The following FAM83F variants were observed in gnomAD, a reference collection of about 807,000 sequenced individuals.
The protein encoded by FAM83F is protein FAM83F.
Under a neutral mutation model 42.9 loss-of-function variants are expected in FAM83F, and 45 were observed. The ratio of observed to expected loss-of-function variants is 1.05; its 90% CI spans 0.83 to 1.35. The LOEUF (loss-of-function observed/expected upper bound fraction) is 1.35, where lower values mean the gene tolerates loss of function less well. Among genes scored for constraint, FAM83F ranks in the 40% most tolerant of loss-of-function variants. FAM83F has a pLI of 0.00. For missense variants in FAM83F, 617 were observed against 695.9 expected, an observed-to-expected ratio of 0.89 and a Z score of 1.28; for synonymous variants, 306 against 298.3, an observed-to-expected ratio of 1.03 and a Z score of -0.27.
rs1379858050 is a variant in FAM83F, at chr22:40,033,715, C to G, written c.*4150C>G. The stretch of plus-strand genomic sequence containing the variant: ...CTGGCTCTTTTCTTCACAGTCCTGA[C>G]CTGGTGGCCTGCACAGGCCACTTCT... On this transcript the variant is annotated 3_prime_UTR_variant, in exon 5 of 5. Coordinates refer to ENST00000333407, the MANE Select transcript of FAM83F (RefSeq NM_138435.4). 1 of 152,280 alleles carries G rather than the reference C, an allele frequency of 6.6e-6. No homozygotes were observed. The highest frequency in any genetic ancestry group is 1.5e-5 in the Non-Finnish European group (1 of 68,110). 9.4% of individuals were successfully genotyped at this position (152,280 alleles called of 1,614,324 possible). A position where few individuals can be genotyped will look rare whatever the true frequency, so the allele number is the denominator to read the frequency against.
At chr22:39,997,512 G>A (rs1016513001) in intron 1 of FAM83F, among the ~76,000 whole-genome samples, 3 of 152,252 alleles carry the variant, frequency 2.0e-5, no homozygotes, top group African/African-American at 7.2e-5. Flanking sequence ...GATACACGGT[G>A]TGGCTTTGCC....
rs1446124295 is a variant in FAM83F at position 40,011,681 on chromosome 22, G to A, written c.490-7487G>A. On this transcript the variant is annotated intron_variant, in intron 1 of 4. Coordinates refer to ENST00000333407, the MANE Select transcript of FAM83F (RefSeq NM_138435.4). ...TTTTAAATGGAATTATCCAAGTTAC[G>A]GCACATGGAACTAGTTCGTTACTTC... Among the ~76,000 whole-genome samples, 5 of 152,180 alleles carry A rather than the reference G, an allele frequency of 3.3e-5. No individual in the cohort carries two copies. In the East Asian group the frequency reaches 5.8e-4, roughly 18 times the overall value.
chr22:40,017,353 C>T (rs1198814037), intron 1 of FAM83F, among the ~76,000 whole-genome samples: 1 of 152,064 alleles, frequency 6.6e-6, no homozygotes, highest in African/African-American at 2.4e-5. Context: ...CTGCCTCAGC[C>T]TCCCCAGGAG....
At chr22:40,008,863 T>C (rs2067449230) in intron 1 of FAM83F, among the ~76,000 whole-genome samples, 1 of 152,176 alleles carries the variant, frequency 6.6e-6, no homozygotes, top group African/African-American at 2.4e-5. Context: ...AGTCAGAGGC[T>C]GCAGGCAGAC....
chr22:40,026,880 G>T (rs1360844601), intron 4 of FAM83F, among the ~76,000 whole-genome samples: 1 of 152,198 alleles, frequency 6.6e-6, no homozygotes, highest in Non-Finnish European at 1.5e-5. Context: ...GCAGGTCTCA[G>T]ATCTCTCTCT....
intron 1 of FAM83F, among the ~76,000 whole-genome samples, chr22:39,996,165 G>A (rs977310750): frequency 2.6e-5 from 4 of 152,310 alleles, no homozygotes; most frequent in African/African-American, 7.2e-5. Flanking sequence ...GGCACAGCAG[G>A]TCACCTGACT....
rs1184282780 is a variant in FAM83F at position 40,036,790 on chromosome 22, C to G, written c.*7225C>G. The G allele has an allele frequency of 6.6e-6, 1 of 152,300 alleles. No individual in the cohort carries two copies. Among genetic ancestry groups the G allele is most frequent in the Non-Finnish European group, 1.5e-5 (1 of 68,148 alleles). The allele number at this position is 152,300 out of a possible 1,614,324, so 9.4% of individuals were successfully genotyped here. On this transcript the variant is annotated 3_prime_UTR_variant, in exon 5 of 5. Coordinates refer to ENST00000333407, the MANE Select transcript of FAM83F (RefSeq NM_138435.4). ...CTTGGAGAACTTGGAGAAGCCCACG[C>G]GGCTGGCAGCATCATGGTGAGAGGC...
chr22:39,995,664 T>A lies in FAM83F; in HGVS notation c.489+133T>A. The A allele has an allele frequency of 7.3e-7, 1 of 1,369,510 alleles. No homozygotes were observed. The highest frequency in any genetic ancestry group is 9.6e-7 in the Non-Finnish European group (1 of 1,039,362). The allele number at this position is 1,369,510 out of a possible 1,614,324, so 84.8% of individuals were successfully genotyped here. A position where few individuals can be genotyped will look rare whatever the true frequency, so the allele number is the denominator to read the frequency against. On this transcript the variant is annotated intron_variant, in intron 1 of 4. Transcript: ENST00000333407. This position sits in a 1 kb window ranked among gnomAD's most constrained non-coding sequence, Gnocchi z 4.6. Reference sequence around the variant, plus strand: ...TGGAAAATGGGCCCCAACCCGCCCCTACTTCCTGGGGCTGCAGTGAGGCCT... The same window carrying A: ...TGGAAAATGGGCCCCAACCCGCCCCAACTTCCTGGGGCTGCAGTGAGGCCT...
At chr22:40,010,258 G>C (rs1041993513) in intron 1 of FAM83F, 1 of 152,174 alleles carries the variant, frequency 6.6e-6, no homozygotes, top group East Asian at 1.9e-4. Flanking sequence ...TGGGAGCTTT[G>C]AAGTTCGCTC....
In FAM83F at chr22:40,029,574, A is replaced by ATGG. The variant is rs1459291496; in HGVS notation, c.*16_*18dup. On this transcript the variant is annotated 3_prime_UTR_variant, in exon 5 of 5. Coordinates refer to ENST00000333407, the MANE Select transcript of FAM83F (RefSeq NM_138435.4). ...ACTGTGTGATTTCCTGAGCTGCGGG[A>ATGG]TGGTGGTGGGCAGGACGTGTGGATG... 4 of 1,610,840 alleles carry ATGG rather than the reference A, an allele frequency of 2.5e-6. No individual in the cohort carries two copies. Among genetic ancestry groups the ATGG allele is most frequent in the Middle Eastern group, 1.6e-4 (1 of 6,078 alleles).
intron 4 of FAM83F, among the ~76,000 whole-genome samples, chr22:40,026,632 A>C (rs981848423): frequency 3.3e-5 from 5 of 152,164 alleles, no homozygotes; most frequent in African/African-American, 1.2e-4. Flanking sequence ...GACAGCAGCA[A>C]CTTGCTTCCC....
intron 1 of FAM83F, among the ~76,000 whole-genome samples, chr22:40,012,415 G>A (rs746144797): frequency 1.3e-5 from 2 of 152,084 alleles, no homozygotes; most frequent in Admixed American, 6.5e-5. Flanking sequence ...GATTACAGGC[G>A]TGAGCCACTG....
chr22:40,006,383 C>G (rs572667602), intron 1 of FAM83F, among the ~76,000 whole-genome samples: 1 of 152,392 alleles, frequency 6.6e-6, no homozygotes, highest in East Asian at 1.9e-4. Flanking sequence ...TGGCAGGGCT[C>G]TGTCCCCCAC....
chr22:40,011,710 C>A (rs538336485), intron 1 of FAM83F, among the ~76,000 whole-genome samples: 1 of 152,234 alleles, frequency 6.6e-6, no homozygotes, highest in Non-Finnish European at 1.5e-5. Flanking sequence ...TTACTTCTGT[C>A]TGCTGTAAAA....
At chr22:40,012,999 T>C (rs1313370402) in intron 1 of FAM83F, among the ~76,000 whole-genome samples, 1 of 136,964 alleles carries the variant, frequency 7.3e-6, no homozygotes, top group African/African-American at 2.8e-5. Context: ...AGGAGAATGG[T>C]GTGAACCCAG....
intron 1 of FAM83F, among the ~76,000 whole-genome samples, chr22:39,998,224 G>A (rs557705785): frequency 1.3e-5 from 2 of 152,156 alleles, no homozygotes; most frequent in African/African-American, 2.4e-5. Flanking sequence ...AGGCCAGGTG[G>A]GGCAGACTGA....
intron 4 of FAM83F, among the ~76,000 whole-genome samples, chr22:40,026,745 T>C (rs1279425402): frequency 6.6e-6 from 1 of 152,072 alleles, no homozygotes; most frequent in African/African-American, 2.4e-5. Flanking sequence ...TCCAGAACTC[T>C]CCTGGGGTCC....
In FAM83F at chr22:40,029,732, G is replaced by C; in HGVS notation, c.*167G>C. On this transcript the variant is annotated 3_prime_UTR_variant, in exon 5 of 5. Coordinates refer to ENST00000333407, the MANE Select transcript of FAM83F (RefSeq NM_138435.4). Reference sequence around the variant, plus strand: ...GGGACGCTGGATCCCAAATGAGAGGGTCCGAAGCATCTCAGTCACACGCCT... The same window carrying C: ...GGGACGCTGGATCCCAAATGAGAGGCTCCGAAGCATCTCAGTCACACGCCT... The C allele has an allele frequency of 1.0e-6, 1 of 988,220 alleles. No homozygotes were observed. The highest frequency in any genetic ancestry group is 1.4e-6 in the Non-Finnish European group (1 of 690,616). 61.2% of individuals were successfully genotyped at this position (988,220 alleles called of 1,614,324 possible).
At chr22:40,008,519 C>A (rs575320885) in intron 1 of FAM83F, among the ~76,000 whole-genome samples, 1 of 152,332 alleles carries the variant, frequency 6.6e-6, no homozygotes, top group Non-Finnish European at 1.5e-5. Flanking sequence ...ATGACTCACT[C>A]CAAGCCAAAC....
Sources: gnomAD v4.1 joint callset for allele counts (sites outside exome capture counted in the v4.1 genomes callset) on GRCh38, gnomAD v4.1.1 for gene constraint, Gnocchi (gnomAD v3.1) non-coding constraint, MANE v1.5 for transcripts, NCBI Gene and HGNC (gene_info 2026-07-23, HGNC 2026-07-21) for gene names.